Variants in XIRP2 observed in about 807,000 individuals in gnomAD.
XIRP2 encodes the protein xin actin-binding repeat-containing protein 2.
A neutral mutation model predicts 277.0 loss-of-function variants in XIRP2; 236 were observed. The ratio of observed to expected loss-of-function variants is 0.85; its 90% CI spans 0.77 to 0.95. The LOEUF is 0.95. XIRP2 is among the 40% of genes least tolerant of loss of function. The pLI is 0.00. For synonymous variants in XIRP2, 1,490 were observed against 1,416.5 expected, an observed-to-expected ratio of 1.05 and a Z score of -1.17; for missense variants, 4,640 against 4,157.5, an observed-to-expected ratio of 1.12 and a Z score of -3.19.
At chr2:167,099,377 G>A (rs940111683) in intron 2 of XIRP2, among the ~76,000 whole-genome samples, 2 of 152,146 alleles carry the variant, frequency 1.3e-5, no homozygotes, top group Non-Finnish European at 2.9e-5. Context: ...GAGCATCCCA[G>A]GTCAACTTCA....
chr2:167,208,588 G>A (rs1180837226), intron 3 of XIRP2, among the ~76,000 whole-genome samples: 1 of 152,140 alleles, frequency 6.6e-6, no homozygotes, highest in Admixed American at 6.6e-5. Context: ...GATTACAGGT[G>A]TGAGCCACCG....
In XIRP2 at chr2:167,101,312, T is replaced by C. The variant is rs144721191; in HGVS notation, c.409-34597T>C. ...AAAAAATGGTAAAAGAGTTTGAATA[T>C]GTACATATATAATTTTTTACTTCCA... On this transcript the variant is annotated intron_variant, in intron 2 of 10. Coordinates refer to ENST00000409195, the MANE Select transcript of XIRP2 (RefSeq NM_152381.6). Among the ~76,000 whole-genome samples the C allele has an allele frequency of 8.3e-4, 126 of 152,324 alleles. 2 individuals carry two copies. In the East Asian group the frequency reaches 0.023, roughly 28 times the overall value.
chr2:166,940,125 C>T (rs894817100), intron 2 of XIRP2, among the ~76,000 whole-genome samples: 1 of 152,180 alleles, frequency 6.6e-6, no homozygotes, highest in African/African-American at 2.4e-5. Flanking sequence ...TCCAATATTT[C>T]TTGGAGGCTT....
chr2:167,195,200 T>G (rs1693464978), intron 3 of XIRP2, among the ~76,000 whole-genome samples: 1 of 152,234 alleles, frequency 6.6e-6, no homozygotes, highest in South Asian at 2.1e-4. Context: ...CTTGTTATAA[T>G]TGTTCTGACA....
chr2:167,216,705 C>T (rs1331245690), intron 4 of XIRP2, among the ~76,000 whole-genome samples: 1 of 62,790 alleles, frequency 1.6e-5, no homozygotes, highest in Admixed American at 1.6e-4. Context: ...CTAGTTCAAC[C>T]ATTGTGGAAG....
At chr2:167,069,426 A>G (rs1009594214) in intron 2 of XIRP2, among the ~76,000 whole-genome samples, 9 of 152,072 alleles carry the variant, frequency 5.9e-5, no homozygotes, top group African/African-American at 2.2e-4. Flanking sequence ...ACCCTCCAGC[A>G]TTTTTCATCA....
At chr2:167,047,009 G>A (rs1688803194) in intron 2 of XIRP2, among the ~76,000 whole-genome samples, 1 of 151,798 alleles carries the variant, frequency 6.6e-6, no homozygotes, top group African/African-American at 2.4e-5. Flanking sequence ...TCTACTTAAT[G>A]ATAAATATTA....
intron 3 of XIRP2, among the ~76,000 whole-genome samples, chr2:167,180,939 C>A (rs1223988478): frequency 6.6e-6 from 1 of 152,300 alleles, no homozygotes; most frequent in African/African-American, 2.4e-5. Context: ...TGATACTGTG[C>A]AAAGTTGCTG....
intron 2 of XIRP2, among the ~76,000 whole-genome samples, chr2:167,017,034 G>A (rs1687845819): frequency 6.6e-6 from 1 of 151,898 alleles, no homozygotes; most frequent in Non-Finnish European, 1.5e-5. Context: ...TTCACAGTGG[G>A]AGATCTGAGC....
intron 2 of XIRP2, among the ~76,000 whole-genome samples, chr2:166,957,321 AT>A (rs1176644327): frequency 6.6e-6 from 1 of 151,808 alleles, no homozygotes; most frequent in East Asian, 1.9e-4. Flanking sequence ...TACTTTTCTG[AT>A]TAAAATAATT....
intron 3 of XIRP2, among the ~76,000 whole-genome samples, chr2:167,168,836 G>C (rs1178690016): frequency 6.6e-6 from 1 of 151,966 alleles, no homozygotes; most frequent in Non-Finnish European, 1.5e-5. Context: ...GGATGATCTC[G>C]ATCTCCTGAC....
chr2:167,238,766 C>G (rs1047928764), intron 5 of XIRP2, among the ~76,000 whole-genome samples: 5 of 152,090 alleles, frequency 3.3e-5, no homozygotes, highest in Non-Finnish European at 5.9e-5. Context: ...AAAGTGAAGT[C>G]CCACCTTCAG....
At chr2:166,919,848 C>G (rs978834371) in intron 2 of XIRP2, among the ~76,000 whole-genome samples, 6 of 152,002 alleles carry the variant, frequency 3.9e-5, no homozygotes, top group African/African-American at 1.4e-4. Context: ...ACACACATAC[C>G]TACTGCACAT....
Position 167,248,682 on chromosome 2 carries a change from C to T in XIRP2, c.7290C>T (p.Pro2430=), listed in dbSNP as rs370447274. Residue 2430 remains proline (P), a synonymous_variant, in exon 9 of 11, where the codon CCC becomes CCT. Coordinates refer to ENST00000409195, the MANE Select transcript of XIRP2 (RefSeq NM_152381.6). ...CCACATTGCCCAAACCCAAACTTCC[C>T]AAGCATATAAAAGATAATAAGAACG... The part of the protein sequence containing the change: ...PPPTLPKPKL[P]KHIKDNKNDF... The T allele has an allele frequency of 4.8e-4, 778 of 1,613,720 alleles. 2 individuals are homozygous for T. Among genetic ancestry groups the T allele is most frequent in the Admixed American group, 1.1e-3 (66 of 59,966 alleles).
At position 167,259,403 on chromosome 2, in the gene XIRP2, G is replaced by C. The variant is rs755952855; in HGVS notation, c.*1586G>C. ...CTGACAGTCCACACTTAGGCACTGA[G>C]AGATATTGATGTTCTGAAATAAGAT... On this transcript the variant is annotated 3_prime_UTR_variant, in exon 11 of 11. Coordinates refer to ENST00000409195, the MANE Select transcript of XIRP2 (RefSeq NM_152381.6). 6.6e-7 allele frequency: 1 copy of C among 1,525,084 alleles called. No homozygotes were observed. The highest frequency in any genetic ancestry group is 1.3e-5 in the South Asian group (1 of 77,226). The allele number at this position is 1,525,084 out of a possible 1,614,324, so 94.5% of individuals were successfully genotyped here.
intron 3 of XIRP2, among the ~76,000 whole-genome samples, chr2:167,192,634 A>G (rs1277824494): frequency 2.0e-5 from 3 of 152,224 alleles, no homozygotes; most frequent in Non-Finnish European, 2.9e-5. Flanking sequence ...TGTTCATGTT[A>G]TTAAAATTCT....
chr2:167,107,563 G>A (rs1017435523), intron 2 of XIRP2, among the ~76,000 whole-genome samples: 1 of 151,360 alleles, frequency 6.6e-6, no homozygotes, highest in Non-Finnish European at 1.5e-5. Flanking sequence ...ATCAGTTATA[G>A]TATATACCTA....
intron 3 of XIRP2, among the ~76,000 whole-genome samples, chr2:167,208,703 A>C (rs908503967): frequency 2.6e-5 from 4 of 152,228 alleles, no homozygotes; most frequent in Non-Finnish European, 5.9e-5. Flanking sequence ...TCATTAAAAA[A>C]TGATAAAAAT....
At chr2:167,123,425 G>C (rs988990978) in intron 2 of XIRP2, among the ~76,000 whole-genome samples, 5 of 152,172 alleles carry the variant, frequency 3.3e-5, no homozygotes, top group African/African-American at 1.2e-4. Flanking sequence ...GATAAATGTA[G>C]AGTACTGGTT....
Sources: gnomAD v4.1 joint callset for allele counts (sites outside exome capture counted in the v4.1 genomes callset) on GRCh38, gnomAD v4.1.1 for gene constraint, MANE v1.5 for transcripts, NCBI Gene and HGNC (gene_info 2026-07-23, HGNC 2026-07-21) for gene names.